Variants in RIF1 observed in about 807,000 individuals in gnomAD.
The protein encoded by RIF1 is replication timing regulatory factor 1, also known as telomere-associated protein RIF1.
In RIF1, 45 loss-of-function variants were observed where a neutral mutation model predicts 247.1. That is an observed-to-expected ratio of 0.18 (90% CI 0.14 to 0.23). The LOEUF (loss-of-function observed/expected upper bound fraction) is 0.23. Ranked by LOEUF, RIF1 falls within the 10% of genes least tolerant of loss-of-function variation. RIF1 has a pLI of 1.00. For missense variants in RIF1, 2,967 were observed against 2,862.5 expected (o/e 1.04, Z -0.83); for synonymous variants, 1,087 against 978.8 (o/e 1.11, Z -2.06).
rs187303538 is a variant in RIF1, at chr2:151,456,540, G to T, written c.2610-38G>T. 9 of 1,146,894 alleles carry T rather than the reference G, an allele frequency of 7.8e-6. No homozygotes were observed. In the African/African-American group the frequency reaches 1.2e-4, roughly 16 times the overall value. 71.0% of individuals were successfully genotyped at this position (1,146,894 alleles called of 1,614,324 possible). A position where few individuals can be genotyped will look rare whatever the true frequency, so the allele number is the denominator to read the frequency against. ...TTGATAGATAGTACAGTGTTAACTT[G>T]CAGAAATATAAATGGTATTCTATTT... On this transcript the variant is annotated intron_variant, in intron 22 of 35. Coordinates refer to ENST00000444746, the MANE Select transcript of RIF1 (RefSeq NM_018151.5).
intron 30 of RIF1, among the ~76,000 whole-genome samples, chr2:151,466,372 T>C (rs1204037955): frequency 1.3e-5 from 2 of 152,250 alleles, no homozygotes; most frequent in African/African-American, 4.8e-5. Context: ...TGTTCACCTT[T>C]GGCAAAATTG....
chr2:151,518,781 G>A, the RIF1 span, among the ~76,000 whole-genome samples: 1 of 152,156 alleles, frequency 6.6e-6, no homozygotes, highest in Non-Finnish European at 1.5e-5. Flanking sequence ...ATTCTGAGAG[G>A]TGTTACAGAC....
chr2:151,498,471 C>T (rs1290748497), intron 10 of RIF1: 1 of 689,370 alleles, frequency 1.5e-6, no homozygotes, highest in Admixed American at 2.9e-5. Context: ...AGAGAAATAC[C>T]AGAAGCTTTT....
At position 151,475,228 on chromosome 2, in the gene RIF1, A is replaced by T; in HGVS notation, c.*157A>T. ...GGACAGTGACTTATTATGTAAGTTC[A>T]ATTTTGTAAGTTCATTATGTAAGAT... On this transcript the variant is annotated 3_prime_UTR_variant, in exon 36 of 36. Transcript: ENST00000444746. 1.6e-6 allele frequency: 1 copy of T among 613,672 alleles called. No individual in the cohort carries two copies. Among genetic ancestry groups the T allele is most frequent in the East Asian group, 2.8e-5 (1 of 35,622 alleles). The allele number at this position is 613,672 out of a possible 1,614,324, so 38.0% of individuals were successfully genotyped here. A position where few individuals can be genotyped will look rare whatever the true frequency, so the allele number is the denominator to read the frequency against.
Position 151,428,803 on chromosome 2 carries a change from G to A in RIF1, c.806G>A (p.Ser269Asn), listed in dbSNP as rs1689567486. 5 of 1,604,330 alleles carry A rather than the reference G, an allele frequency of 3.1e-6. No homozygotes were observed. In the East Asian group the frequency reaches 1.1e-4, roughly 36 times the overall value. The change falls in exon 9 of 36, where the codon AGT (serine) becomes AAT (asparagine). Residue 269 changes from serine to asparagine, a missense_variant. Ser to Asn is a conservative substitution (Grantham distance 46). Around this residue, in one of 7 missense-constraint regions of RIF1, gnomAD observed 71 missense variants for 132.9 expected, o/e 0.53. Transcript: ENST00000444746. ...LLGRTLHRSG[S>N]FINSLLQLEE... ...TTTTAGACCTTGCATCGAAGTGGGA[G>A]TTTCATCAATTCTCTCTTGCAACTA...
rs200639818 is a variant in RIF1 at position 151,436,948 on chromosome 2, G to A, written c.1317G>A (p.Leu439=). The change falls in exon 12 of 36, where the codon TTG becomes TTA. Residue 439 remains leucine (L), a synonymous_variant. Coordinates refer to ENST00000444746, the MANE Select transcript of RIF1 (RefSeq NM_018151.5). ...LLGLEMLLHF[L]LGPEALSFAK... ...GACTTGAAATGTTGCTTCATTTCTT[G>A]TTGGGTCCAGAAGCCTTGAGTTTTG... 21 of 1,613,896 alleles carry A rather than the reference G, an allele frequency of 1.3e-5. No individual in the cohort carries two copies. In the Admixed American group the frequency reaches 2.3e-4, roughly 18 times the overall value.
intron 34 of RIF1, among the ~76,000 whole-genome samples, chr2:151,471,774 C>T (rs894504804): frequency 1.9e-4 from 29 of 152,038 alleles, no homozygotes; most frequent in African/African-American, 7.0e-4. Flanking sequence ...TTACTGTAGC[C>T]TTGTAGTATA....
chr2:151,483,827 C>T (rs953481635), downstream of RIF1, among the ~76,000 whole-genome samples: 1 of 152,098 alleles, frequency 6.6e-6, no homozygotes, highest in Non-Finnish European at 1.5e-5. Flanking sequence ...GTAAATTCTT[C>T]ATGAACTGCA....
chr2:151,529,210 A>G, the RIF1 span: 322 of 1,601,018 alleles, frequency 2.0e-4, 1 homozygote, highest in South Asian at 3.4e-3. Flanking sequence ...TGGAACTTAC[A>G]TTGGTGTTGA....
downstream of RIF1, among the ~76,000 whole-genome samples, chr2:151,486,977 G>A (rs1248777138): frequency 6.6e-6 from 1 of 152,032 alleles, no homozygotes; most frequent in Non-Finnish European, 1.5e-5. Flanking sequence ...TTATGGAGAT[G>A]GTTGGAAAAA....
At chr2:151,467,863 A>T in intron 30 of RIF1, 137 bp from the exon 31 acceptor site, 1 of 682,612 alleles carries the variant, frequency 1.5e-6, no homozygotes, top group Non-Finnish European at 2.4e-6. Context: ...GTCGCTAGGA[A>T]CTGTGCAGCT....
intron 20 of RIF1, among the ~76,000 whole-genome samples, chr2:151,448,048 T>C (rs779246091): frequency 6.6e-6 from 1 of 152,078 alleles, no homozygotes; most frequent in Non-Finnish European, 1.5e-5. Flanking sequence ...TCTTTTTTTT[T>C]TTCTTGCCCC....
In RIF1 at chr2:151,464,317, T is replaced by C. The variant is rs370355345; in HGVS notation, c.4797T>C (p.Asn1599=). Reference sequence around the variant, plus strand: ...AACAGGAATGTATAAAAGCTGAAAATCAGTCACATGATTATAAAGCAACTT... The same window carrying C: ...AACAGGAATGTATAAAAGCTGAAAACCAGTCACATGATTATAAAGCAACTT... ...VVKQECIKAE[N]QSHDYKATSE... The change falls in exon 30 of 36, where the codon AAT becomes AAC. Residue 1599 remains asparagine (N), a synonymous_variant. Coordinates refer to ENST00000444746, the MANE Select transcript of RIF1 (RefSeq NM_018151.5). The C allele has an allele frequency of 6.8e-6, 11 of 1,611,362 alleles. No individual in the cohort carries two copies. In the African/African-American group the frequency reaches 1.3e-4, roughly 20 times the overall value.
At chr2:151,423,419 G>T (rs1284804786) in intron 8 of RIF1, 2 of 174,138 alleles carry the variant, frequency 1.1e-5, no homozygotes, top group Non-Finnish European at 2.4e-5. Flanking sequence ...TTTAAATTTG[G>T]AACCTAAAGC....
intron 34 of RIF1, among the ~76,000 whole-genome samples, chr2:151,472,269 G>T (rs931354410): frequency 3.3e-5 from 5 of 152,074 alleles, no homozygotes; most frequent in Non-Finnish European, 7.4e-5. Flanking sequence ...GGAGATTTTG[G>T]GCTGAGACAA....
intron 20 of RIF1, among the ~76,000 whole-genome samples, chr2:151,449,338 A>C (rs561128975): frequency 6.6e-6 from 1 of 152,298 alleles, no homozygotes; most frequent in South Asian, 2.1e-4. Flanking sequence ...GTATTATGGC[A>C]ATAGTGACCT....
At position 151,473,959 on chromosome 2, in the gene RIF1, T is replaced by C; in HGVS notation, c.7096-5T>C. 6.6e-7 allele frequency: 1 copy of C among 1,504,184 alleles called. No homozygotes were observed. The highest frequency in any genetic ancestry group is 2.3e-5 in the East Asian group (1 of 44,216). The allele number at this position is 1,504,184 out of a possible 1,614,324, so 93.2% of individuals were successfully genotyped here. A position where few individuals can be genotyped will look rare whatever the true frequency, so the allele number is the denominator to read the frequency against. ...GCGTTTTTTTCTGCTCCAACTGTAA[T>C]CAAGGTGAAGACTCGTGGACTAGAA... On this transcript the variant is annotated splice_polypyrimidine_tract_variant and splice_region_variant and intron_variant, in intron 34 of 35. Transcript: ENST00000444746.
intron 6 of RIF1, among the ~76,000 whole-genome samples, chr2:151,417,619 T>G (rs1303263123): frequency 6.6e-6 from 1 of 152,186 alleles, no homozygotes; most frequent in Non-Finnish European, 1.5e-5. Context: ...TGTCATTATT[T>G]CCTAAACAGT....
chr2:151,411,283 A>C lies in RIF1; in HGVS notation c.128A>C (p.Lys43Thr), dbSNP rs778473583. 2 of 1,605,044 alleles carry C rather than the reference A, an allele frequency of 1.2e-6. No individual in the cohort carries two copies. Among genetic ancestry groups the C allele is most frequent in the South Asian group, 2.2e-5 (2 of 89,644 alleles). The change falls in exon 3 of 36, where the codon AAA (lysine) becomes ACA (threonine). Residue 43 changes from lysine to threonine, a missense_variant. Transcript: ENST00000444746. ...LTSRMTGEEGKEVITEIEKKL... is the reference protein window; with the variant it reads ...LTSRMTGEEGTEVITEIEKKL... The stretch of plus-strand genomic sequence containing the variant: ...AGTCGTATGACTGGAGAAGAAGGAA[A>C]AGAAGTAATTACAGAAATTGAGAAA...
Sources: gnomAD v4.1 joint callset for allele counts (sites outside exome capture counted in the v4.1 genomes callset) on GRCh38, gnomAD v4.1.1 for gene constraint, gnomAD v4.1.1 regional missense constraint, MANE v1.5 for transcripts, NCBI Gene and HGNC (gene_info 2026-07-23, HGNC 2026-07-21) for gene names.